Variants in ABCD4 observed in about 807,000 individuals in gnomAD.
The protein encoded by ABCD4 is ATP binding cassette subfamily D member 4.
In ABCD4, 53 loss-of-function variants were observed where a neutral mutation model predicts 86.3. That is an observed-to-expected ratio of 0.61 (90% CI 0.49 to 0.77). ABCD4 has a LOEUF of 0.77. ABCD4 is among the 30% of genes least tolerant of loss of function. The pLI, the probability that ABCD4 is intolerant of heterozygous loss-of-function variation, is 0.00. For synonymous variants in ABCD4, 328 were observed against 313.6 expected, an observed-to-expected ratio of 1.05 and a Z score of -0.49; for missense variants, 757 against 764.5, an observed-to-expected ratio of 0.99 and a Z score of 0.12.
chr14:74,289,628 T>G (rs2080903940), intron 13 of ABCD4, 109 bp from the exon 14 acceptor site: 1 of 1,518,562 alleles, frequency 6.6e-7, no homozygotes, highest in African/African-American at 1.4e-5. Flanking sequence ...GGAGGAGAGG[T>G]GGGAACGCCT....
intron 15 of ABCD4, 71 bp downstream of exon 15, chr14:74,288,645 C>G (rs369566429): frequency 6.5e-7 from 1 of 1,547,738 alleles, no homozygotes; most frequent in South Asian, 1.2e-5. Flanking sequence ...CATAGCAGGG[C>G]CAGCACCTGC....
chr14:74,296,593 A>G (rs2082934264), intron 4 of ABCD4, 144 bp from the exon 5 acceptor site: 1 of 707,174 alleles, frequency 1.4e-6, no homozygotes, highest in African/African-American at 1.8e-5. Context: ...GAACCAGACA[A>G]GGCTGGTTTC....
intron 14 of ABCD4, chr14:74,289,178 G>A: frequency 2.4e-6 from 3 of 1,258,340 alleles, no homozygotes; most frequent in South Asian, 5.1e-5. Context: ...AGGGGTGGGG[G>A]CCTCAGAATG....
At chr14:74,292,906 T>A in intron 8 of ABCD4, 37 bp from the exon 9 acceptor site, 1 of 1,613,604 alleles carries the variant, frequency 6.2e-7, no homozygotes, top group Non-Finnish European at 8.5e-7. Flanking sequence ...CCAGGAACCA[T>A]CCACATGCCC....
At chr14:74,298,550 C>A (rs964447700) in intron 3 of ABCD4, among the ~76,000 whole-genome samples, 1 of 152,188 alleles carries the variant, frequency 6.6e-6, no homozygotes, top group African/African-American at 2.4e-5. Context: ...GGATTACAGG[C>A]GTGAGCCACT....
intron 7 of ABCD4, chr14:74,293,681 A>G (rs1040356884): frequency 6.5e-6 from 1 of 154,234 alleles, no homozygotes; most frequent in African/African-American, 2.4e-5. Flanking sequence ...CAGAGCGGTC[A>G]CTAGGTGTAC....
chr14:74,292,109 C>A (rs2081651859), intron 11 of ABCD4, among the ~76,000 whole-genome samples, 178 bp downstream of exon 11: 1 of 152,284 alleles, frequency 6.6e-6, no homozygotes, highest in African/African-American at 2.4e-5. Flanking sequence ...TAAATTAACA[C>A]AACAGATGCC....
At chr14:74,297,292 T>C (rs1426725862) in intron 4 of ABCD4, 1 of 152,246 alleles carries the variant, frequency 6.6e-6, no homozygotes, top group African/African-American at 2.4e-5. Context: ...CCCTTTGAGA[T>C]AGGAACTATT....
intron 11 of ABCD4, among the ~76,000 whole-genome samples, chr14:74,291,391 A>G (rs2081454139): frequency 6.6e-6 from 1 of 152,184 alleles, no homozygotes; most frequent in African/African-American, 2.4e-5. Context: ...GGACACTAAG[A>G]ATCAGGTGGC....
chr14:74,299,959 A>T, intron 2 of ABCD4, 191 bp downstream of exon 2: 1 of 578,034 alleles, frequency 1.7e-6, no homozygotes, highest in Non-Finnish European at 3.0e-6. Flanking sequence ...GCTACTCAGG[A>T]GGCGAAGGCA....
In ABCD4 at chr14:74,295,092, C is replaced by T. The variant is rs1331411038; in HGVS notation, c.719+56G>A. On this transcript the variant is annotated intron_variant, in intron 7 of 18. Transcript: ENST00000356924. ...GTGGGAGGGTTGAGGATTCATCTTT[C>T]CTTCTCCACTCTCAGCTCTGGCAAG... 4.4e-6 allele frequency: 7 copies of T among 1,598,198 alleles called. No homozygotes were observed. The South Asian group carries it at 5.5e-5, about 13-fold the overall frequency.
At chr14:74,293,275 C>T (rs2082026666) in intron 7 of ABCD4, 27 bp from the exon 8 acceptor site, 2 of 1,612,608 alleles carry the variant, frequency 1.2e-6, no homozygotes, top group African/African-American at 1.3e-5. Flanking sequence ...GGGATGTCCA[C>T]AGGGCTGGAG....
chr14:74,297,903 T>C, intron 4 of ABCD4, 27 bp downstream of exon 4: 2 of 1,604,974 alleles, frequency 1.2e-6, no homozygotes, highest in South Asian at 1.1e-5. Context: ...ACACAGAGTG[T>C]AGAAAGGACT....
At chr14:74,294,886 T>C (rs1301857918) in intron 7 of ABCD4, 2 of 518,176 alleles carry the variant, frequency 3.9e-6, no homozygotes, top group Non-Finnish European at 6.9e-6. Flanking sequence ...GAGGCATTCA[T>C]TCATTTGACA....
At chr14:74,289,399 A>C in intron 14 of ABCD4, 84 bp downstream of exon 14, 1 of 1,575,534 alleles carries the variant, frequency 6.3e-7, no homozygotes, top group South Asian at 1.2e-5. Flanking sequence ...CCTCTCCCCA[A>C]GGGCACAGAT....
At chr14:74,290,612 T>C in intron 11 of ABCD4, 113 bp from the exon 12 acceptor site, 1 of 764,712 alleles carries the variant, frequency 1.3e-6, no homozygotes, top group South Asian at 1.5e-5. Context: ...CTGACTTGCA[T>C]CCTCCCAAAA....
In ABCD4 at chr14:74,288,125, C is replaced by T. The variant is rs947715861; in HGVS notation, c.1559+82G>A. The T allele has an allele frequency of 1.5e-5, 22 of 1,467,912 alleles. No individual in the cohort carries two copies. The South Asian group carries it at 1.6e-4, about 11-fold the overall frequency. 90.9% of individuals were successfully genotyped at this position (1,467,912 alleles called of 1,614,324 possible). A position where few individuals can be genotyped will look rare whatever the true frequency, so the allele number is the denominator to read the frequency against. ...ACATCTGGACTTTGGGGTCAGGAGC[C>T]GTTCCATTCCTTGACAGGGACCCTG... is the stretch of plus-strand genomic sequence containing the variant. On this transcript the variant is annotated intron_variant, in intron 16 of 18. Coordinates refer to ENST00000356924, the MANE Select transcript of ABCD4 (RefSeq NM_005050.4).
Position 74,299,542 on chromosome 14 carries a change from T to G in ABCD4, c.285+6A>C. On this transcript the variant is annotated splice_donor_region_variant and intron_variant, in intron 3 of 18. Coordinates refer to ENST00000356924, the MANE Select transcript of ABCD4 (RefSeq NM_005050.4). The stretch of plus-strand genomic sequence containing the variant: ...CGAGAGACACAGAGAGAGGGAAAGA[T>G]CTTACCGTGGAGTTCAGAACAATGA... The G allele has an allele frequency of 6.2e-7, 1 of 1,613,124 alleles. No homozygotes were observed. The highest frequency in any genetic ancestry group is 2.2e-5 in the East Asian group (1 of 44,832).
Position 74,293,195 on chromosome 14 carries a change from T to C in ABCD4, c.773A>G (p.Gln258Arg). 1.9e-6 allele frequency: 3 copies of C among 1,614,206 alleles called. No individual in the cohort carries two copies. The highest frequency in any genetic ancestry group is 2.5e-6 in the Non-Finnish European group (3 of 1,180,028). Residue 258 changes from glutamine to arginine, a missense_variant, in exon 8 of 19, where the codon CAG becomes CGG. By Grantham distance (43) the Gln-to-Arg change is conservative (BLOSUM62 1). Coordinates refer to ENST00000356924, the MANE Select transcript of ABCD4 (RefSeq NM_005050.4). ...CTTGGACATCAGCTCCCTCTGGGTC[T>C]GAAGGAGTCTCTGCAGCCTGCGGTC... ...RTDRRLQRLLQTQRELMSKEL... is the reference protein window; with the variant it reads ...RTDRRLQRLLRTQRELMSKEL...
Sources: allele counts gnomAD v4.1 joint callset (sites outside exome capture counted in the v4.1 genomes callset), GRCh38; gene constraint gnomAD v4.1.1; transcripts MANE v1.5; gene names NCBI Gene and HGNC (gene_info 2026-07-23, HGNC 2026-07-21).